Variants in SPTAN1 observed in about 807,000 individuals in gnomAD.
SPTAN1 encodes spectrin alpha chain, non-erythrocytic 1.
Under a neutral mutation model 331.3 loss-of-function variants are expected in SPTAN1, and 61 were observed. The observed-to-expected ratio is 0.18, with a 90% CI of 0.15 to 0.23. The LOEUF is 0.23. Among genes scored for constraint, SPTAN1 ranks in the 10% least tolerant of loss-of-function variants. The pLI is 1.00. For missense variants in SPTAN1, 2,043 were observed against 3,147.9 expected (o/e 0.65, Z 8.40); for synonymous variants, 1,153 against 1,173.9 (o/e 0.98, Z 0.36).
intron 45 of SPTAN1, among the ~76,000 whole-genome samples, chr9:128,624,086 CAAAAAAAAAAAAA>C (rs11444346): frequency 6.4e-4 from 43 of 66,826 alleles, no homozygotes; most frequent in African/African-American, 1.5e-3. Context: ...CACTCCGTCT[CAAAAAAAAAAAAA>C]AAAAAAAAAA....
chr9:128,631,521 G>C (rs1383877745), intron 52 of SPTAN1: 1 of 156,242 alleles, frequency 6.4e-6, no homozygotes, highest in Admixed American at 6.3e-5. Context: ...GCAATATATA[G>C]CAAGACCTTG....
At chr9:128,565,048 T>C (rs1363999543) in intron 1 of SPTAN1, among the ~76,000 whole-genome samples, 5 of 152,190 alleles carry the variant, frequency 3.3e-5, no homozygotes, top group African/African-American at 1.2e-4. Flanking sequence ...CTCACACCTG[T>C]AATTCCAGCC....
chr9:128,605,422 C>T lies in SPTAN1; in HGVS notation c.3991C>T (p.Arg1331Cys), dbSNP rs1407200590. The T allele has an allele frequency of 1.2e-6, 2 of 1,614,184 alleles. No individual in the cohort carries two copies. Among genetic ancestry groups the T allele is most frequent in the Non-Finnish European group, 1.7e-6 (2 of 1,180,042 alleles). The part of the protein sequence containing the change: ...WSSLGKRADQ[R>C]KAKLGDSHDL... ...CAGCCTGGGGAAACGTGCAGATCAG[C>T]GCAAGGCAAAGTTGGGTGACTCCCA... The change falls in exon 31 of 57, where the codon CGC (arginine) becomes TGC (cysteine). Residue 1331 changes from arginine (R) to cysteine (C), a missense_variant. Arg to Cys is a radical substitution (Grantham distance 180, BLOSUM62 -3). This residue lies in a region of SPTAN1 where 179 missense variants were observed against 215.7 expected (regional missense o/e 0.83). Coordinates refer to ENST00000372739, the MANE Select transcript of SPTAN1 (RefSeq NM_001130438.3).
At chr9:128,578,810 C>T (rs568094941) in intron 9 of SPTAN1, among the ~76,000 whole-genome samples, 87 of 122,708 alleles carry the variant, frequency 7.1e-4, no homozygotes, top group African/African-American at 2.6e-3. Context: ...GTCCGGACAA[C>T]AAGAGTGTTT....
At chr9:128,630,595 T>C in intron 52 of SPTAN1, 1 of 514,370 alleles carries the variant, frequency 1.9e-6, no homozygotes. Context: ...AGTGGTGCGA[T>C]ATTGGCTCAC....
intron 23 of SPTAN1, chr9:128,593,842 A>G: frequency 2.7e-6 from 1 of 364,162 alleles, no homozygotes; most frequent in East Asian, 6.5e-5. Context: ...TCTCCACTGT[A>G]GTTGCATGAG....
chr9:128,579,831 G>A (rs1014368633), intron 10 of SPTAN1, 93 bp downstream of exon 10: 21 of 1,031,062 alleles, frequency 2.0e-5, no homozygotes, highest in Middle Eastern at 4.1e-4. Context: ...TCCAGAGAAC[G>A]CATTCACCAT....
intron 3 of SPTAN1, among the ~76,000 whole-genome samples, chr9:128,572,616 T>TA (rs1328152641): frequency 2.6e-5 from 4 of 152,236 alleles, no homozygotes; most frequent in Non-Finnish European, 5.9e-5. Context: ...TGCTCACAGT[T>TA]ACTATGGTGA....
intron 20 of SPTAN1, among the ~76,000 whole-genome samples, chr9:128,587,919 C>T (rs905920769): frequency 6.6e-6 from 1 of 152,074 alleles, no homozygotes; most frequent in African/African-American, 2.4e-5. Context: ...AACCTCGGCT[C>T]ACTGCAACCT....
intron 1 of SPTAN1, among the ~76,000 whole-genome samples, 177 bp from the exon 2 acceptor site, chr9:128,566,561 C>G (rs2275257): frequency 6.6e-6 from 1 of 151,994 alleles, no homozygotes; most frequent in Non-Finnish European, 1.5e-5. Flanking sequence ...AATGGATGGC[C>G]GTTTTTAATA....
intron 40 of SPTAN1, among the ~76,000 whole-genome samples, chr9:128,614,947 T>C (rs889470978): frequency 6.6e-6 from 1 of 152,232 alleles, no homozygotes; most frequent in East Asian, 1.9e-4. Flanking sequence ...CACTGAGTTA[T>C]GCCTGTTCTA....
At chr9:128,623,236 T>C (rs567164772) in intron 45 of SPTAN1, among the ~76,000 whole-genome samples, 2 of 151,298 alleles carry the variant, frequency 1.3e-5, no homozygotes, top group South Asian at 4.2e-4. Flanking sequence ...TCTTTCTTTT[T>C]TTCTTTTTTT....
intron 19 of SPTAN1, 26 bp downstream of exon 19, chr9:128,585,991 C>A (rs1041076206): frequency 5.6e-6 from 9 of 1,607,390 alleles, no homozygotes; most frequent in Non-Finnish European, 7.7e-6. Context: ...AAGCGTCTCA[C>A]CTGCCAGGGA....
chr9:128,588,787 T>G (rs1393537396), intron 20 of SPTAN1, 22 bp from the exon 21 acceptor site: 1 of 1,613,798 alleles, frequency 6.2e-7, no homozygotes. Context: ...TTACCATGTT[T>G]GCCCTTCCTT....
chr9:128,594,121 T>A, intron 23 of SPTAN1, 54 bp from the exon 24 acceptor site: 2 of 1,580,944 alleles, frequency 1.3e-6, no homozygotes, highest in Non-Finnish European at 8.7e-7. Context: ...TATGTTAGCA[T>A]CTACAGCTAA....
chr9:128,565,429 G>A (rs1029229258), intron 1 of SPTAN1, among the ~76,000 whole-genome samples: 2 of 152,270 alleles, frequency 1.3e-5, no homozygotes, highest in Admixed American at 1.3e-4. Context: ...TTGATATGTG[G>A]AGAATAATTT....
At chr9:128,568,993 C>A in intron 3 of SPTAN1, 96 bp downstream of exon 3, 1 of 1,530,938 alleles carries the variant, frequency 6.5e-7, no homozygotes, top group Non-Finnish European at 9.0e-7. Flanking sequence ...AAAAGATAGA[C>A]TTTTCCAGCT....
intron 52 of SPTAN1, chr9:128,630,768 G>C (rs1859584822): frequency 4.1e-6 from 1 of 244,242 alleles, no homozygotes; most frequent in Admixed American, 5.0e-5. Flanking sequence ...CAATGGACGT[G>C]GTCTTGGCTC....
intron 19 of SPTAN1, 74 bp downstream of exon 19, chr9:128,586,039 A>G: frequency 2.3e-6 from 3 of 1,329,882 alleles, no homozygotes; most frequent in Non-Finnish European, 3.2e-6. Context: ...AAGTTAGGAG[A>G]AGTAGTGATG....
Sources: gnomAD v4.1 joint callset for allele counts (sites outside exome capture counted in the v4.1 genomes callset) on GRCh38, gnomAD v4.1.1 for gene constraint, gnomAD v4.1.1 regional missense constraint, MANE v1.5 for transcripts, NCBI Gene and HGNC (gene_info 2026-07-23, HGNC 2026-07-21) for gene names.